Variants in VAV3 observed in about 807,000 individuals in gnomAD.
The protein encoded by VAV3 is guanine nucleotide exchange factor VAV3.
VAV3 carries 94 observed loss-of-function variants against 131.2 expected under a neutral mutation model. That is an observed-to-expected ratio of 0.72 (90% CI 0.61 to 0.85). VAV3 has a LOEUF of 0.85. Among genes scored for constraint, VAV3 ranks in the 40% least tolerant of loss-of-function variants. The probability of loss-of-function intolerance (pLI) is 0.00; values close to 1 mark genes in which losing one functional copy is unlikely to be tolerated. For synonymous variants in VAV3, 349 were observed against 342.0 expected, an observed-to-expected ratio of 1.02 and a Z score of -0.22; for missense variants, 939 against 1,002.7, an observed-to-expected ratio of 0.94 and a Z score of 0.86.
chr1:107,753,891 A>C (rs1268208011), intron 12 of VAV3, among the ~76,000 whole-genome samples: 1 of 152,090 alleles, frequency 6.6e-6, no homozygotes. Context: ...CAATTTTTTA[A>C]AGGCTACACA....
chr1:107,732,653 C>T (rs999947809), intron 15 of VAV3, among the ~76,000 whole-genome samples: 2 of 152,172 alleles, frequency 1.3e-5, no homozygotes, highest in Non-Finnish European at 2.9e-5. Flanking sequence ...GGCAGACTGG[C>T]TGGGGAAGGG....
At chr1:107,714,244 T>C (rs544658791) in intron 15 of VAV3, among the ~76,000 whole-genome samples, 20 of 152,218 alleles carry the variant, frequency 1.3e-4, no homozygotes, top group Admixed American at 6.5e-4. Flanking sequence ...AGCTGGACCA[T>C]GCATCTAACT....
chr1:107,766,555 G>A lies in VAV3; in HGVS notation c.718-5C>T, dbSNP rs1232027629. Reference sequence around the variant, plus strand: ...CCGATGAAGTTTTACAAGTTCCTAAGAAAAGAAAACAATGTGAAAGGAAAG... The same window carrying A: ...CCGATGAAGTTTTACAAGTTCCTAAAAAAAGAAAACAATGTGAAAGGAAAG... On this transcript the variant is annotated splice_polypyrimidine_tract_variant and splice_region_variant and intron_variant, in intron 7 of 26. Coordinates refer to ENST00000370056, the MANE Select transcript of VAV3 (RefSeq NM_006113.5). The A allele has an allele frequency of 5.0e-6, 8 of 1,607,336 alleles. No individual in the cohort carries two copies. Among genetic ancestry groups the A allele is most frequent in the Non-Finnish European group, 6.8e-6 (8 of 1,175,762 alleles).
At chr1:107,734,072 C>A (rs1003415886) in intron 15 of VAV3, among the ~76,000 whole-genome samples, 1 of 152,100 alleles carries the variant, frequency 6.6e-6, no homozygotes, top group African/African-American at 2.4e-5. Context: ...TTTTAAAGAA[C>A]AGAATTTTCA....
intron 15 of VAV3, among the ~76,000 whole-genome samples, chr1:107,734,999 C>T (rs1662505387): frequency 6.6e-6 from 1 of 152,198 alleles, no homozygotes; most frequent in South Asian, 2.1e-4. Flanking sequence ...GAAATCACAA[C>T]AAACTGTCTC....
intron 1 of VAV3, among the ~76,000 whole-genome samples, chr1:107,885,840 A>G (rs1214558892): frequency 6.6e-6 from 1 of 152,166 alleles, no homozygotes; most frequent in African/African-American, 2.4e-5. Context: ...TCTGTCTCTT[A>G]TATGGCAGAC....
At chr1:107,835,601 T>C (rs959128442) in intron 2 of VAV3, among the ~76,000 whole-genome samples, 5 of 152,120 alleles carry the variant, frequency 3.3e-5, no homozygotes, top group Non-Finnish European at 7.4e-5. Context: ...CCCAATGATC[T>C]GGGCAAAGAA....
intron 19 of VAV3, among the ~76,000 whole-genome samples, chr1:107,647,931 A>G (rs1655857737): frequency 6.6e-6 from 1 of 152,068 alleles, no homozygotes; most frequent in African/African-American, 2.4e-5. Flanking sequence ...TTCCCCTGAC[A>G]TCACAGCTTA....
At chr1:107,862,416 A>T (rs1261578548) in intron 2 of VAV3, among the ~76,000 whole-genome samples, 1 of 151,568 alleles carries the variant, frequency 6.6e-6, no homozygotes, top group Admixed American at 6.6e-5. Flanking sequence ...CCATTAAAAA[A>T]AAGAAGACAC....
At chr1:107,767,979 A>C (rs962887624) in intron 7 of VAV3, among the ~76,000 whole-genome samples, 1 of 152,244 alleles carries the variant, frequency 6.6e-6, no homozygotes, top group Non-Finnish European at 1.5e-5. Flanking sequence ...TGGGAGTTAC[A>C]TATGATACAA....
At chr1:107,888,630 T>C (rs1017222315) in intron 1 of VAV3, among the ~76,000 whole-genome samples, 1 of 152,174 alleles carries the variant, frequency 6.6e-6, no homozygotes, top group Non-Finnish European at 1.5e-5. Context: ...GGCTAATTTT[T>C]GTATTTTTAG....
At chr1:107,763,803 G>A (rs1310086633) in intron 9 of VAV3, among the ~76,000 whole-genome samples, 1 of 152,146 alleles carries the variant, frequency 6.6e-6, no homozygotes, top group Non-Finnish European at 1.5e-5. Context: ...TGTGAGCTAT[G>A]AAATCATGCC....
intron 1 of VAV3, among the ~76,000 whole-genome samples, chr1:107,899,162 G>T (rs894713200): frequency 3.3e-5 from 5 of 152,138 alleles, no homozygotes; most frequent in Admixed American, 6.5e-5. Context: ...TTTCCTAGAT[G>T]ACTTTTTTCA....
Position 107,798,493 on chromosome 1 carries a change from C to T in VAV3, c.322-19001G>A, listed in dbSNP as rs537718406. On this transcript the variant is annotated intron_variant, in intron 2 of 26. Coordinates refer to ENST00000370056, the MANE Select transcript of VAV3 (RefSeq NM_006113.5). ...TAGCACTTTGGGAGGCTGAGGTGGG[C>T]GGATCATGAGGTCAGGAGATCGAGA... Among the ~76,000 whole-genome samples the T allele has an allele frequency of 5.3e-5, 8 of 151,760 alleles. No individual in the cohort carries two copies. In the East Asian group the frequency reaches 1.4e-3, roughly 26 times the overall value.
chr1:107,756,008 CA>C (rs1557824344), intron 11 of VAV3, among the ~76,000 whole-genome samples: 1 of 152,032 alleles, frequency 6.6e-6, no homozygotes. Context: ...AGCATTCGGT[CA>C]AGGAAACCGG....
rs1652259372 is a variant in VAV3 at position 107,606,245 on chromosome 1, T to C, written c.2016-3082A>G. On this transcript the variant is annotated intron_variant, in intron 22 of 26. Coordinates refer to ENST00000370056, the MANE Select transcript of VAV3 (RefSeq NM_006113.5). ...AGTTTGGTTATTGGGTAAAGAATTC[T>C]AGGTGAGAAATTATTTTGCCTCTCA... is the stretch of plus-strand genomic sequence containing the variant. Among the ~76,000 whole-genome samples, 2 of 152,210 alleles carry C rather than the reference T, an allele frequency of 1.3e-5. 1 individual carries two copies. Among genetic ancestry groups the C allele is most frequent in the South Asian group, 4.1e-4 (2 of 4,828 alleles).
At chr1:107,796,003 CAA>C (rs779675258) in intron 2 of VAV3, among the ~76,000 whole-genome samples, 3 of 152,008 alleles carry the variant, frequency 2.0e-5, no homozygotes, top group African/African-American at 4.8e-5. Context: ...GGTAAAAGCT[CAA>C]GAGTGGGGTG....
At chr1:107,680,076 G>C (rs1658496603) in intron 19 of VAV3, among the ~76,000 whole-genome samples, 1 of 152,130 alleles carries the variant, frequency 6.6e-6, no homozygotes, top group Non-Finnish European at 1.5e-5. Context: ...ATTATTAATA[G>C]GGAGTGAATG....
intron 20 of VAV3, among the ~76,000 whole-genome samples, chr1:107,632,302 T>C (rs1654564609): frequency 2.0e-5 from 3 of 152,134 alleles, no homozygotes; most frequent in Non-Finnish European, 4.4e-5. Context: ...TCTCTGGAAG[T>C]GAGGCTGTGT....
Sources: gnomAD v4.1 joint callset for allele counts (sites outside exome capture counted in the v4.1 genomes callset) on GRCh38, gnomAD v4.1.1 for gene constraint, MANE v1.5 for transcripts, NCBI Gene and HGNC (gene_info 2026-07-23, HGNC 2026-07-21) for gene names.